Variants in B3GALNT2 observed in about 807,000 individuals in gnomAD.
B3GALNT2 encodes the protein beta-1,3-N-acetylgalactosaminyltransferase 2.
B3GALNT2 carries 53 observed loss-of-function variants against 61.1 expected under a neutral mutation model. The ratio of observed to expected loss-of-function variants is 0.87; its 90% CI spans 0.70 to 1.09. The LOEUF (loss-of-function observed/expected upper bound fraction) is 1.09, where lower values mean the gene tolerates loss of function less well. Ranked by LOEUF, B3GALNT2 falls within the 50% of genes least tolerant of loss-of-function variation. B3GALNT2 has a pLI of 0.00. For synonymous variants in B3GALNT2, 223 were observed against 237.4 expected, an observed-to-expected ratio of 0.94 and a Z score of 0.56; for missense variants, 544 against 623.0, an observed-to-expected ratio of 0.87 and a Z score of 1.35.
the B3GALNT2 span, among the ~76,000 whole-genome samples, chr1:235,440,126 A>T: frequency 2.0e-5 from 3 of 151,894 alleles, no homozygotes; most frequent in Admixed American, 1.3e-4. Flanking sequence ...GCCCACCACC[A>T]CACCCGGCTA....
intron 5 of B3GALNT2, among the ~76,000 whole-genome samples, chr1:235,474,279 T>C (rs1684134349): frequency 6.6e-6 from 1 of 151,976 alleles, no homozygotes; most frequent in Non-Finnish European, 1.5e-5. Context: ...AAAACCAAAA[T>C]AAAAGTTGGG....
At position 235,450,288 on chromosome 1, in the gene B3GALNT2, G is replaced by A; in HGVS notation, c.1421C>T (p.Pro474Leu). 6.2e-7 allele frequency: 1 copy of A among 1,613,768 alleles called. No individual in the cohort carries two copies. The highest frequency in any genetic ancestry group is 8.5e-7 in the Non-Finnish European group (1 of 1,179,652). Residue 474 changes from proline to leucine, a missense_variant, in exon 12 of 12, where the codon CCT becomes CTT. Physicochemically the swap from Pro to Leu is moderately conservative, Grantham distance 98. Transcript: ENST00000366600. ...KTCETGMLSS[P>L]QYSPWELTEL... ...CGTCAGTTCCCACGGAGAATACTGA[G>A]GAGAAGACAGCATTCCTGTCTCACA...
At chr1:235,473,542 T>TAGGAG (rs1684104759) in intron 5 of B3GALNT2, among the ~76,000 whole-genome samples, 1 of 152,174 alleles carries the variant, frequency 6.6e-6, no homozygotes, top group African/African-American at 2.4e-5. Context: ...GAGACAATGT[T>TAGGAG]ACCATTAGAA....
chr1:235,489,240 G>A lies in B3GALNT2; in HGVS notation c.289C>T (p.His97Tyr), dbSNP rs1286328958. ...RVLVKFIIGAHGCEVPVEDRE... is the reference protein window; with the variant it reads ...RVLVKFIIGAYGCEVPVEDRE... ...TCTTCCACAGGCACTTCACAGCCAT[G>A]AGCACCTATTATGAACTTCACAAGC... The change falls in exon 3 of 12, where the codon CAT (histidine) becomes TAT (tyrosine). Residue 97 changes from histidine (H) to tyrosine (Y), a missense_variant. Transcript: ENST00000366600. 2.5e-6 allele frequency: 4 copies of A among 1,613,842 alleles called. No individual in the cohort carries two copies. Among genetic ancestry groups the A allele is most frequent in the Non-Finnish European group, 1.7e-6 (2 of 1,179,986 alleles).
At chr1:235,495,970 A>G (rs1401947577) in intron 1 of B3GALNT2, among the ~76,000 whole-genome samples, 1 of 152,194 alleles carries the variant, frequency 6.6e-6, no homozygotes, top group African/African-American at 2.4e-5. Flanking sequence ...TAATACAGAA[A>G]TTTTTGTGTA....
intron 2 of B3GALNT2, 101 bp downstream of exon 2, chr1:235,494,580 C>G: frequency 7.7e-7 from 1 of 1,306,554 alleles, no homozygotes; most frequent in Non-Finnish European, 1.1e-6. Context: ...CCTCAGCCTC[C>G]CCGGTAGCTG....
At chr1:235,459,297 G>T (rs1683308205) in intron 7 of B3GALNT2, among the ~76,000 whole-genome samples, 2 of 152,146 alleles carry the variant, frequency 1.3e-5, no homozygotes, top group Admixed American at 6.5e-5. Flanking sequence ...TGACACCACA[G>T]ATATCAATTA....
chr1:235,443,222 G>A (rs899222368), downstream of B3GALNT2, among the ~76,000 whole-genome samples: 2 of 151,396 alleles, frequency 1.3e-5, no homozygotes, highest in African/African-American at 4.9e-5. Flanking sequence ...TTTTTTTTGA[G>A]ACAGGGCCTC....
chr1:235,482,789 T>C (rs945610696), intron 4 of B3GALNT2, among the ~76,000 whole-genome samples: 2 of 151,974 alleles, frequency 1.3e-5, no homozygotes, highest in Non-Finnish European at 2.9e-5. Flanking sequence ...ACTGTGCCAC[T>C]GCACTCCAGC....
intron 2 of B3GALNT2, among the ~76,000 whole-genome samples, chr1:235,490,543 C>T (rs1268012481): frequency 6.6e-6 from 1 of 152,050 alleles, no homozygotes; most frequent in African/African-American, 2.4e-5. Context: ...GAATTAGTAA[C>T]TCTAGTTTAG....
At chr1:235,485,617 C>T (rs1204707010) in intron 3 of B3GALNT2, among the ~76,000 whole-genome samples, 1 of 152,106 alleles carries the variant, frequency 6.6e-6, no homozygotes, top group African/African-American at 2.4e-5. Context: ...TTTCTAATTA[C>T]CATAAATGAA....
chr1:235,450,016 G>T lies in B3GALNT2; in HGVS notation c.*190C>A. On this transcript the variant is annotated 3_prime_UTR_variant, in exon 12 of 12. Transcript: ENST00000366600. The stretch of plus-strand genomic sequence containing the variant: ...AAATAAAAACTTTTCTTATGCTACA[G>T]TACAAGTTGATTTTTAAGGAAATTT... 1 of 576,398 alleles carries T rather than the reference G, an allele frequency of 1.7e-6. No individual in the cohort carries two copies. The highest frequency in any genetic ancestry group is 2.9e-6 in the Non-Finnish European group (1 of 345,584). 35.7% of individuals were successfully genotyped at this position (576,398 alleles called of 1,614,324 possible).
intron 1 of B3GALNT2, among the ~76,000 whole-genome samples, chr1:235,499,444 T>C (rs1157157619): frequency 1.3e-5 from 2 of 152,228 alleles, no homozygotes; most frequent in African/African-American, 4.8e-5. Context: ...TTCACTCAAA[T>C]GACAGAGCAT....
chr1:235,502,389 T>C (rs139753777), intron 1 of B3GALNT2, among the ~76,000 whole-genome samples: 3 of 152,332 alleles, frequency 2.0e-5, no homozygotes, highest in African/African-American at 7.2e-5. Context: ...CGTTTACCTA[T>C]GTAACAAACT....
Position 235,484,433 on chromosome 1 carries a change from A to G in B3GALNT2, c.444T>C (p.Ser148=), listed in dbSNP as rs780140983. The G allele has an allele frequency of 1.7e-5, 28 of 1,614,080 alleles. No homozygotes were observed. In the East Asian group the frequency reaches 5.8e-4, roughly 33 times the overall value. Residue 148 remains serine, a synonymous_variant, in exon 4 of 12, where the codon AGT becomes AGC. Coordinates refer to ENST00000366600, the MANE Select transcript of B3GALNT2 (RefSeq NM_152490.5). ...GLPEDRVVSV[S]FRVLYPIVIT... ...TAACGATGGGGTAGAGAACTCGGAA[A>G]CTCACGCTGACAACTCGATCCTCAG...
At chr1:235,458,315 C>T (rs573709483) in intron 8 of B3GALNT2, among the ~76,000 whole-genome samples, 3 of 152,094 alleles carry the variant, frequency 2.0e-5, no homozygotes, top group African/African-American at 7.2e-5. Flanking sequence ...TAGGTCATAT[C>T]CCAGGTGCTC....
At chr1:235,469,093 T>C (rs1054635512) in intron 6 of B3GALNT2, among the ~76,000 whole-genome samples, 1 of 152,242 alleles carries the variant, frequency 6.6e-6, no homozygotes, top group Non-Finnish European at 1.5e-5. Flanking sequence ...ATTTGTTTAA[T>C]GTCTTTCTTC....
chr1:235,498,414 A>G (rs1008015329), intron 1 of B3GALNT2, among the ~76,000 whole-genome samples: 11 of 152,152 alleles, frequency 7.2e-5, no homozygotes, highest in Non-Finnish European at 1.3e-4. Context: ...TTCAACTTCA[A>G]TAAGAATCAA....
the B3GALNT2 span, chr1:235,440,781 C>T: frequency 1.3e-5 from 2 of 151,584 alleles, no homozygotes; most frequent in African/African-American, 4.9e-5. Context: ...GCTCTCGTCC[C>T]GAGGGCTCGC....
Sources: gnomAD v4.1 joint callset for allele counts (sites outside exome capture counted in the v4.1 genomes callset) on GRCh38, gnomAD v4.1.1 for gene constraint, MANE v1.5 for transcripts, NCBI Gene and HGNC (gene_info 2026-07-23, HGNC 2026-07-21) for gene names.